Variants in GNAQ observed in about 807,000 individuals in gnomAD.
GNAQ encodes the protein guanine nucleotide-binding protein G(q) subunit alpha.
GNAQ carries 8 observed loss-of-function variants against 43.9 expected under a neutral mutation model. The ratio of observed to expected loss-of-function variants is 0.18; its 90% confidence interval spans 0.11 to 0.33. The LOEUF is 0.33. GNAQ is among the 10% of genes least tolerant of loss of function. The probability of loss-of-function intolerance (pLI) is 1.00; values close to 1 mark genes in which losing one functional copy is unlikely to be tolerated. For missense variants in GNAQ, 158 were observed against 450.8 expected (o/e 0.35, Z 5.88); for synonymous variants, 155 against 170.7 (o/e 0.91, Z 0.71).
intron 2 of GNAQ, among the ~76,000 whole-genome samples, chr9:77,853,472 A>C (rs769314813): frequency 7.2e-5 from 11 of 152,190 alleles, no homozygotes; most frequent in Non-Finnish European, 1.6e-4. Context: ...CTCAGTAAGT[A>C]TGAGCATAAA....
chr9:78,029,796 A>G (rs1824027111), intron 1 of GNAQ, among the ~76,000 whole-genome samples: 3 of 152,348 alleles, frequency 2.0e-5, no homozygotes, highest in Admixed American at 1.3e-4. Context: ...CACAAACACC[A>G]ACTAACAGTA....
intron 2 of GNAQ, among the ~76,000 whole-genome samples, chr9:77,846,589 C>T (rs746414077): frequency 7.9e-5 from 12 of 152,000 alleles, no homozygotes; most frequent in Non-Finnish European, 1.2e-4. Flanking sequence ...TAAGGTAGGT[C>T]GGGAAGGGGC....
At chr9:77,898,408 C>G (rs1433110185) in intron 2 of GNAQ, among the ~76,000 whole-genome samples, 1 of 152,176 alleles carries the variant, frequency 6.6e-6, no homozygotes. Flanking sequence ...AGGCTATTGC[C>G]TATTCAGAGT....
intron 1 of GNAQ, among the ~76,000 whole-genome samples, chr9:78,013,593 A>C (rs138391959): frequency 2.0e-5 from 3 of 152,120 alleles, no homozygotes; most frequent in Non-Finnish European, 4.4e-5. Flanking sequence ...TAAGAAAATA[A>C]ATATATAAAA....
intron 2 of GNAQ, among the ~76,000 whole-genome samples, chr9:77,874,117 C>T (rs201605478): frequency 7.6e-6 from 1 of 130,884 alleles, no homozygotes; most frequent in Non-Finnish European, 1.6e-5. Flanking sequence ...AAAAAAAAAA[C>T]AAAAAAACAA....
chr9:77,771,737 G>A (rs1826225888), intron 5 of GNAQ, among the ~76,000 whole-genome samples: 1 of 152,176 alleles, frequency 6.6e-6, no homozygotes, highest in Non-Finnish European at 1.5e-5. Flanking sequence ...ACTGCATGAG[G>A]TTGCATGTCT....
At chr9:77,778,213 TTACA>T (rs1318469953) in intron 5 of GNAQ, among the ~76,000 whole-genome samples, 1 of 84,904 alleles carries the variant, frequency 1.2e-5, no homozygotes, top group Non-Finnish European at 2.7e-5. Context: ...TTTTACACGT[TTACA>T]CACACACACA....
chr9:77,798,931 C>G (rs1428473114), intron 3 of GNAQ, among the ~76,000 whole-genome samples: 1 of 152,102 alleles, frequency 6.6e-6, no homozygotes, highest in Admixed American at 6.6e-5. Context: ...TGTAATAACA[C>G]CACAATCAGG....
At chr9:77,952,631 CCTT>C (rs1167822694) in intron 1 of GNAQ, among the ~76,000 whole-genome samples, 1 of 152,142 alleles carries the variant, frequency 6.6e-6, no homozygotes, top group African/African-American at 2.4e-5. Context: ...TCAAGTTACT[CCTT>C]ATTTATTAAA....
intron 5 of GNAQ, among the ~76,000 whole-genome samples, chr9:77,730,389 A>G (rs1825469310): frequency 6.6e-6 from 1 of 152,202 alleles, no homozygotes; most frequent in African/African-American, 2.4e-5. Flanking sequence ...GCTCCTCTGC[A>G]TAACCCTTAA....
intron 2 of GNAQ, among the ~76,000 whole-genome samples, chr9:77,904,285 T>C (rs1383130088): frequency 6.8e-6 from 1 of 147,916 alleles, no homozygotes; most frequent in Non-Finnish European, 1.5e-5. Context: ...AAAAGAGATA[T>C]GGGCAGTGGA....
At chr9:77,745,399 T>G (rs1338027514) in intron 5 of GNAQ, among the ~76,000 whole-genome samples, 1 of 151,118 alleles carries the variant, frequency 6.6e-6, no homozygotes, top group African/African-American at 2.4e-5. Flanking sequence ...CCGCAGTGAG[T>G]AGGGAAGGGG....
At chr9:78,023,737 A>C (rs919346085) in intron 1 of GNAQ, among the ~76,000 whole-genome samples, 1 of 152,200 alleles carries the variant, frequency 6.6e-6, no homozygotes, top group Non-Finnish European at 1.5e-5. Flanking sequence ...GATTAAAAAA[A>C]AAATTCTTGG....
intron 2 of GNAQ, among the ~76,000 whole-genome samples, chr9:77,914,828 C>CAAAAAAA (rs71503232): frequency 1.0e-5 from 1 of 98,150 alleles, no homozygotes; most frequent in East Asian, 2.8e-4. Context: ...TTTTGAACAC[C>CAAAAAAA]AAAAAAAAAA....
chr9:77,905,354 T>C (rs1564147024), intron 2 of GNAQ, among the ~76,000 whole-genome samples: 1 of 152,202 alleles, frequency 6.6e-6, no homozygotes, highest in Non-Finnish European at 1.5e-5. Context: ...GCTACCTTTC[T>C]CAAAAGACAG....
Position 77,716,472 on chromosome 9 carries a change from T to C in GNAQ, c.*4851A>G. 1 of 232,724 alleles carries C rather than the reference T, an allele frequency of 4.3e-6. No homozygotes were observed. The highest frequency in any genetic ancestry group is 8.5e-6 in the Non-Finnish European group (1 of 117,746). 14.4% of individuals were successfully genotyped at this position (232,724 alleles called of 1,614,324 possible). A position where few individuals can be genotyped will look rare whatever the true frequency, so the allele number is the denominator to read the frequency against. ...TTTCTGACAAAACTCCCTAAATACA[T>C]AGGTCTAGTAAGGGTTTCCAACAGG... On this transcript the variant is annotated 3_prime_UTR_variant, in exon 7 of 7. Transcript: ENST00000286548.
Position 77,816,221 on chromosome 9 carries a change from A to G in GNAQ, c.322-451T>C, listed in dbSNP as rs115864234. On this transcript the variant is annotated intron_variant, in intron 2 of 6. Transcript: ENST00000286548. ...TATGTCTAAGCAGAAACTCAATCAG[A>G]ATCCTCAACTAATCAGGATTAGCTT... Among the ~76,000 whole-genome samples the G allele has an allele frequency of 7.3e-3, 1,108 of 152,286 alleles. 9 individuals carry two copies. The highest frequency in any genetic ancestry group is 0.025 in the African/African-American group (1,041 of 41,548).
At chr9:77,811,080 T>C (rs1292792861) in intron 3 of GNAQ, among the ~76,000 whole-genome samples, 1 of 152,054 alleles carries the variant, frequency 6.6e-6, no homozygotes, top group Non-Finnish European at 1.5e-5. Context: ...TTTAAGTAGG[T>C]GTGTGTGGCA....
chr9:77,751,807 C>A (rs1261746658), intron 5 of GNAQ, among the ~76,000 whole-genome samples: 4 of 151,966 alleles, frequency 2.6e-5, no homozygotes, highest in African/African-American at 9.7e-5. Flanking sequence ...AACAAACAAA[C>A]AAACAAACAA....
Sources: gnomAD v4.1 joint callset for allele counts (sites outside exome capture counted in the v4.1 genomes callset) on GRCh38, gnomAD v4.1.1 for gene constraint, MANE v1.5 for transcripts, NCBI Gene and HGNC (gene_info 2026-07-23, HGNC 2026-07-21) for gene names.